Variants in MCTP1 observed in about 807,000 individuals in gnomAD.
The protein encoded by MCTP1 is multiple C2 and transmembrane domain containing 1, also known as multiple C2 and transmembrane domain-containing protein 1.
Under a neutral mutation model 120.6 loss-of-function variants are expected in MCTP1, and 69 were observed. That is an observed-to-expected ratio of 0.57 (90% CI 0.47 to 0.70). The LOEUF is 0.70. Among genes scored for constraint, MCTP1 ranks in the 30% least tolerant of loss-of-function variants. The probability of loss-of-function intolerance (pLI) is 0.00; values close to 1 mark genes in which losing one functional copy is unlikely to be tolerated. For synonymous variants in MCTP1, 529 were observed against 493.1 expected, an observed-to-expected ratio of 1.07 and a Z score of -0.96; for missense variants, 1,203 against 1,248.8, an observed-to-expected ratio of 0.96 and a Z score of 0.55.
chr5:95,046,578 C>T (rs1338010283), intron 1 of MCTP1, among the ~76,000 whole-genome samples: 1 of 152,124 alleles, frequency 6.6e-6, no homozygotes, highest in Non-Finnish European at 1.5e-5. Flanking sequence ...ACTACTTCTA[C>T]CTCACCATTT....
intron 8 of MCTP1, among the ~76,000 whole-genome samples, chr5:94,914,767 T>TATTGGATTTCCAC (rs1317981035): frequency 6.6e-6 from 1 of 152,220 alleles, no homozygotes; most frequent in African/African-American, 2.4e-5. Flanking sequence ...CTGTTCTCCA[T>TATTGGATTTCCAC]ATTGGATTTC....
chr5:94,940,500 CAG>C (rs1817332398), intron 4 of MCTP1, among the ~76,000 whole-genome samples: 1 of 148,430 alleles, frequency 6.7e-6, no homozygotes, highest in South Asian at 2.1e-4. Context: ...TCTAAACCCA[CAG>C]AGAGTAGCGC....
chr5:94,917,468 CTGAAA>C (rs955778731), intron 8 of MCTP1, among the ~76,000 whole-genome samples: 6 of 152,186 alleles, frequency 3.9e-5, no homozygotes, highest in African/African-American at 1.4e-4. Context: ...AGTCAATTTA[CTGAAA>C]TTGCGTGATT....
At chr5:94,814,976 T>C (rs1003339779) in intron 17 of MCTP1, among the ~76,000 whole-genome samples, 1 of 152,166 alleles carries the variant, frequency 6.6e-6, no homozygotes, top group Non-Finnish European at 1.5e-5. Context: ...AAGTTACCTA[T>C]AGTACCACCT....
At chr5:94,742,664 A>C (rs1765792735) in intron 19 of MCTP1, among the ~76,000 whole-genome samples, 1 of 152,088 alleles carries the variant, frequency 6.6e-6, no homozygotes, top group African/African-American at 2.4e-5. Flanking sequence ...TTGACAGAAT[A>C]TCTCTTTGCT....
chr5:95,169,300 G>A (rs1362898178), intron 1 of MCTP1, among the ~76,000 whole-genome samples: 1 of 152,194 alleles, frequency 6.6e-6, no homozygotes, highest in Non-Finnish European at 1.5e-5. Context: ...CGGTTTGCCA[G>A]TATTTTATTG....
At chr5:94,977,540 G>C (rs1171889373) in intron 2 of MCTP1, among the ~76,000 whole-genome samples, 1 of 151,888 alleles carries the variant, frequency 6.6e-6, no homozygotes, top group East Asian at 1.9e-4. Context: ...GAAAAACAAA[G>C]CTGGAGGCAT....
intron 1 of MCTP1, among the ~76,000 whole-genome samples, chr5:95,067,234 A>T (rs1750909908): frequency 1.3e-5 from 2 of 152,170 alleles, no homozygotes; most frequent in Non-Finnish European, 2.9e-5. Flanking sequence ...GGGTGAGTAT[A>T]ATTAACAATA....
intron 1 of MCTP1, among the ~76,000 whole-genome samples, chr5:95,120,287 G>C: frequency 6.6e-6 from 1 of 151,298 alleles, no homozygotes; most frequent in African/African-American, 2.4e-5. Context: ...CTACTCAAAT[G>C]ATTCAGAAAA....
intron 1 of MCTP1, among the ~76,000 whole-genome samples, chr5:95,077,512 G>A (rs945168186): frequency 5.3e-5 from 8 of 150,938 alleles, no homozygotes; most frequent in South Asian, 2.1e-4. Context: ...CCACTCTGTC[G>A]CCCAGGCTGG....
At chr5:94,928,982 G>T (rs1000776780) in intron 6 of MCTP1, among the ~76,000 whole-genome samples, 6 of 152,120 alleles carry the variant, frequency 3.9e-5, no homozygotes, top group African/African-American at 1.2e-4. Context: ...CATTGAAAGA[G>T]CCTATTATTA....
intron 8 of MCTP1, among the ~76,000 whole-genome samples, chr5:94,913,220 A>G (rs1263866349): frequency 1.3e-5 from 2 of 152,114 alleles, no homozygotes; most frequent in African/African-American, 2.4e-5. Flanking sequence ...TAGCTTTTCA[A>G]TTCTTAAGAT....
At chr5:94,883,319 C>T (rs930845121) in intron 12 of MCTP1, among the ~76,000 whole-genome samples, 39 of 152,252 alleles carry the variant, frequency 2.6e-4, no homozygotes, top group African/African-American at 8.2e-4. Context: ...ACACTATCTG[C>T]TTAAAAGTCT....
intron 1 of MCTP1, among the ~76,000 whole-genome samples, chr5:95,251,299 C>T (rs1562278206): frequency 6.6e-6 from 1 of 151,936 alleles, no homozygotes; most frequent in Non-Finnish European, 1.5e-5. Flanking sequence ...CAAGCTTGAC[C>T]ATTAGAGGAA....
intron 1 of MCTP1, among the ~76,000 whole-genome samples, chr5:95,149,487 T>G (rs1472470436): frequency 3.2e-5 from 1 of 31,156 alleles, no homozygotes; most frequent in Non-Finnish European, 6.2e-5. Flanking sequence ...AGAGCCACTG[T>G]GCTGGGAGCC....
intron 1 of MCTP1, among the ~76,000 whole-genome samples, chr5:95,057,533 G>A (rs993132509): frequency 3.3e-5 from 5 of 152,224 alleles, no homozygotes; most frequent in South Asian, 4.1e-4. Context: ...GCATTCAGCC[G>A]AAATTCATTC....
intron 2 of MCTP1, among the ~76,000 whole-genome samples, chr5:94,987,579 T>C (rs1410071672): frequency 6.6e-6 from 1 of 152,272 alleles, no homozygotes; most frequent in East Asian, 1.9e-4. Context: ...CAGCTTCAGT[T>C]GGCACAAGAA....
At chr5:94,738,781 C>T (rs1387220439) in intron 19 of MCTP1, among the ~76,000 whole-genome samples, 1 of 152,138 alleles carries the variant, frequency 6.6e-6, no homozygotes, top group African/African-American at 2.4e-5. Context: ...TTGAGGACGG[C>T]GATTGTTGTG....
intron 12 of MCTP1, among the ~76,000 whole-genome samples, chr5:94,874,419 A>G (rs568935967): frequency 3.9e-5 from 6 of 152,150 alleles, no homozygotes; most frequent in Non-Finnish European, 8.8e-5. Context: ...AATGAGCTGT[A>G]CAAACTTTGA....
Sources: allele counts gnomAD v4.1 joint callset (sites outside exome capture counted in the v4.1 genomes callset), GRCh38; gene constraint gnomAD v4.1.1; transcripts MANE v1.5; gene names NCBI Gene and HGNC (gene_info 2026-07-23, HGNC 2026-07-21).